Variants in PRRX1 observed in about 807,000 individuals in gnomAD.
PRRX1 encodes paired related homeobox 1.
A neutral mutation model predicts 24.0 loss-of-function variants in PRRX1; 8 were observed. That is an observed-to-expected ratio of 0.33 (90% CI 0.20 to 0.60). The LOEUF (loss-of-function observed/expected upper bound fraction) is 0.60, where lower values mean the gene tolerates loss of function less well. Ranked by LOEUF, PRRX1 falls within the 20% of genes least tolerant of loss-of-function variation. PRRX1 has a pLI of 0.82. For synonymous variants in PRRX1, 160 were observed against 131.7 expected (o/e 1.22, Z -1.47); for missense variants, 281 against 322.4 (o/e 0.87, Z 0.98).
intron 1 of PRRX1, among the ~76,000 whole-genome samples, chr1:170,665,308 C>T (rs1290337804): frequency 6.6e-6 from 1 of 152,220 alleles, no homozygotes; most frequent in Non-Finnish European, 1.5e-5. Context: ...CTTCCCCATC[C>T]TCACCGACCA....
At chr1:170,680,573 G>A (rs1653473520) in intron 1 of PRRX1, among the ~76,000 whole-genome samples, 1 of 152,152 alleles carries the variant, frequency 6.6e-6, no homozygotes, top group African/African-American at 2.4e-5. Flanking sequence ...ATCATTTGTG[G>A]AGCATACTGG....
chr1:170,702,319 A>T (rs1654413199), intron 1 of PRRX1, among the ~76,000 whole-genome samples: 1 of 152,116 alleles, frequency 6.6e-6, no homozygotes, highest in Non-Finnish European at 1.5e-5. Context: ...GAACACTAGA[A>T]TTACTCCTCT....
chr1:170,702,217 C>A (rs1264706498), intron 1 of PRRX1, among the ~76,000 whole-genome samples: 1 of 152,228 alleles, frequency 6.6e-6, no homozygotes, highest in African/African-American at 2.4e-5. Context: ...CTGCCTCACA[C>A]CTCCTGCTGT....
intron 1 of PRRX1, among the ~76,000 whole-genome samples, chr1:170,683,350 G>A (rs1653618947): frequency 6.6e-6 from 1 of 152,212 alleles, no homozygotes. Context: ...TCAGGAGGCT[G>A]ACGGAGCCAG....
At chr1:170,685,774 G>T (rs770940755) in intron 1 of PRRX1, among the ~76,000 whole-genome samples, 7 of 151,864 alleles carry the variant, frequency 4.6e-5, no homozygotes, top group Non-Finnish European at 1.0e-4. Flanking sequence ...ATAATAAGAG[G>T]GTAACAAGCT....
upstream of PRRX1, chr1:170,662,861 G>C (rs780872975): frequency 7.9e-5 from 12 of 152,044 alleles, no homozygotes; most frequent in Non-Finnish European, 1.5e-4. Context: ...TTTTCCAACA[G>C]GATCTTAAAC....
At chr1:170,704,297 CAATT>C (rs1654491238) in intron 1 of PRRX1, among the ~76,000 whole-genome samples, 1 of 152,182 alleles carries the variant, frequency 6.6e-6, no homozygotes, top group South Asian at 2.1e-4. Context: ...GTTATGAACA[CAATT>C]AAGTTGCTCT....
At chr1:170,727,847 C>T (rs1655306053) in intron 3 of PRRX1, 1 of 152,170 alleles carries the variant, frequency 6.6e-6, no homozygotes, top group South Asian at 2.1e-4. Flanking sequence ...TAAATTTAAA[C>T]TCCTCTCCTA....
intron 1 of PRRX1, among the ~76,000 whole-genome samples, chr1:170,700,480 T>C (rs1294976322): frequency 6.6e-6 from 1 of 152,066 alleles, no homozygotes; most frequent in Non-Finnish European, 1.5e-5. Context: ...GTGTCATAGA[T>C]TGAAAGAAAG....
rs191741699 is a variant in PRRX1 at position 170,679,797 on chromosome 1, C to T, written c.241+15338C>T. On this transcript the variant is annotated intron_variant, in intron 1 of 3. Transcript: ENST00000239461. ...TGTGTCAAAGAAGTGGCAACTTACC[C>T]CATGGATGATGTTTGCAATTTAATT... Among the ~76,000 whole-genome samples, 542 of 152,212 alleles carry T rather than the reference C, an allele frequency of 3.6e-3. 2 individuals are homozygous for T. The highest frequency in any genetic ancestry group is 4.9e-3 in the Non-Finnish European group (334 of 68,012).
intron 1 of PRRX1, among the ~76,000 whole-genome samples, chr1:170,700,834 C>T (rs1654329868): frequency 6.6e-6 from 1 of 152,152 alleles, no homozygotes; most frequent in Non-Finnish European, 1.5e-5. Flanking sequence ...TACCATCTGG[C>T]CCTACTTTCC....
intron 3 of PRRX1, among the ~76,000 whole-genome samples, chr1:170,732,231 T>C (rs531093825): frequency 6.6e-6 from 1 of 152,342 alleles, no homozygotes; most frequent in Non-Finnish European, 1.5e-5. Flanking sequence ...AACAGTTAAT[T>C]ACCCTCTTTG....
chr1:170,711,303 TTC>T (rs1654739926), intron 1 of PRRX1, among the ~76,000 whole-genome samples: 1 of 152,212 alleles, frequency 6.6e-6, no homozygotes, highest in African/African-American at 2.4e-5. Flanking sequence ...GGAAAGCTAA[TTC>T]TCTGTTATTG....
intron 1 of PRRX1, among the ~76,000 whole-genome samples, chr1:170,704,381 C>T: frequency 6.6e-6 from 1 of 152,186 alleles, no homozygotes; most frequent in South Asian, 2.1e-4. Flanking sequence ...ACTTATTTTT[C>T]TAAAGTTCAA....
At chr1:170,707,115 C>A (rs1304742251) in intron 1 of PRRX1, among the ~76,000 whole-genome samples, 2 of 151,294 alleles carry the variant, frequency 1.3e-5, no homozygotes, top group African/African-American at 2.4e-5. Context: ...CAGAGTGAGA[C>A]CCTGTCCTTA....
intron 1 of PRRX1, among the ~76,000 whole-genome samples, chr1:170,688,663 G>A (rs1216482543): frequency 6.6e-6 from 1 of 151,980 alleles, no homozygotes; most frequent in Non-Finnish European, 1.5e-5. Context: ...TAATAAAACT[G>A]CTATGCTTGC....
chr1:170,716,804 T>A (rs1654921335), intron 1 of PRRX1, among the ~76,000 whole-genome samples: 1 of 152,190 alleles, frequency 6.6e-6, no homozygotes, highest in Non-Finnish European at 1.5e-5. Context: ...TTCTCTCCCC[T>A]GTATTCAACC....
chr1:170,729,485 A>T (rs1655362224), intron 3 of PRRX1, among the ~76,000 whole-genome samples: 1 of 152,244 alleles, frequency 6.6e-6, no homozygotes, highest in African/African-American at 2.4e-5. Flanking sequence ...TGGGTTGGAA[A>T]ATAGCCAACA....
chr1:170,721,976 C>CA (rs34255938), intron 2 of PRRX1, among the ~76,000 whole-genome samples: 242 of 138,538 alleles, frequency 1.7e-3, no homozygotes, highest in Middle Eastern at 3.8e-3. Flanking sequence ...GTGGACATTT[C>CA]AAAAAAAAAA....
Sources: gnomAD v4.1 joint callset for allele counts (sites outside exome capture counted in the v4.1 genomes callset) on GRCh38, gnomAD v4.1.1 for gene constraint, MANE v1.5 for transcripts, NCBI Gene and HGNC (gene_info 2026-07-23, HGNC 2026-07-21) for gene names.